The following ANKAR variants were observed in gnomAD, a reference collection of about 807,000 sequenced individuals.
ANKAR encodes ankyrin and armadillo repeat containing.
Under a neutral mutation model 146.2 loss-of-function variants are expected in ANKAR, and 136 were observed. The observed-to-expected ratio is 0.93, with a 90% CI of 0.81 to 1.07. ANKAR has a LOEUF of 1.07. Ranked by LOEUF, ANKAR falls within the 50% of genes least tolerant of loss-of-function variation. ANKAR has a pLI of 0.00. For missense variants in ANKAR, 1,567 were observed against 1,679.9 expected (o/e 0.93, Z 1.18); for synonymous variants, 500 against 575.8 (o/e 0.87, Z 1.88).
chr2:189,761,551 A>G (rs769515901), downstream of ANKAR: 1 of 1,611,398 alleles, frequency 6.2e-7, no homozygotes, highest in Non-Finnish European at 8.5e-7. Context: ...ATAGTGTTCC[A>G]GGATGAAAAT....
At chr2:189,712,211 A>T (rs1195808716) in intron 10 of ANKAR, among the ~76,000 whole-genome samples, 2 of 152,344 alleles carry the variant, frequency 1.3e-5, no homozygotes, top group East Asian at 3.9e-4. Context: ...GCAGACTTAA[A>T]TGTCCCTGTC....
At chr2:189,703,648 C>A (rs1296189557) in intron 7 of ANKAR, among the ~76,000 whole-genome samples, 4 of 152,156 alleles carry the variant, frequency 2.6e-5, no homozygotes, top group African/African-American at 9.6e-5. Flanking sequence ...ATATGGTAAG[C>A]AAAGCCACTA....
chr2:189,704,774 T>C (rs2038687500), intron 7 of ANKAR, among the ~76,000 whole-genome samples: 1 of 151,300 alleles, frequency 6.6e-6, no homozygotes, highest in Non-Finnish European at 1.5e-5. Context: ...TTTTCTTTGC[T>C]TATAAAAAAA....
At chr2:189,720,971 G>A (rs2041167447) in intron 12 of ANKAR, among the ~76,000 whole-genome samples, 184 bp downstream of exon 12, 4 of 152,056 alleles carry the variant, frequency 2.6e-5, no homozygotes, top group Admixed American at 2.6e-4. Flanking sequence ...AAACTATGTA[G>A]ATACAGTTAA....
At chr2:189,741,286 T>C in intron 19 of ANKAR, 56 bp from the exon 20 acceptor site, 3 of 1,332,472 alleles carry the variant, frequency 2.3e-6, no homozygotes, top group South Asian at 1.4e-5. Flanking sequence ...TTAATGAAAG[T>C]ATTATAAGTT....
chr2:189,707,681 A>G (rs2039141278), intron 9 of ANKAR, among the ~76,000 whole-genome samples: 1 of 151,220 alleles, frequency 6.6e-6, no homozygotes, highest in Admixed American at 6.6e-5. Flanking sequence ...CACTAGGCCA[A>G]TTATATGGAC....
intron 12 of ANKAR, among the ~76,000 whole-genome samples, chr2:189,726,047 A>G (rs573155115): frequency 6.6e-5 from 10 of 152,366 alleles, no homozygotes; most frequent in East Asian, 3.9e-4. Context: ...CAGAATGTCA[A>G]TTGACAAATG....
Position 189,746,481 on chromosome 2 carries a change from A to C in ANKAR, c.4159A>C (p.Lys1387Gln). ...TNFMGLFKATKKTKDSHNIFS... is the reference protein window; with the variant it reads ...TNFMGLFKATQKTKDSHNIFS... ...CTTCATGGGACTCTTCAAAGCAACAAAAAAGACCAAGGATTCCCATAATAT... is the reference window on the plus strand; with the variant it reads ...CTTCATGGGACTCTTCAAAGCAACACAAAAGACCAAGGATTCCCATAATAT... Residue 1387 changes from lysine (K) to glutamine (Q), a missense_variant, in exon 23 of 23, where the codon AAA (lysine) becomes CAA (glutamine). Coordinates refer to ENST00000684021, the MANE Select transcript of ANKAR (RefSeq NM_001378068.1). The C allele has an allele frequency of 1.2e-6, 2 of 1,613,948 alleles. No individual in the cohort carries two copies. Among genetic ancestry groups the C allele is most frequent in the Non-Finnish European group, 1.7e-6 (2 of 1,179,918 alleles).
intron 16 of ANKAR, among the ~76,000 whole-genome samples, chr2:189,731,382 T>TC (rs989144874): frequency 6.7e-6 from 1 of 149,186 alleles, no homozygotes; most frequent in Non-Finnish European, 1.5e-5. Context: ...TTTTCTTTTT[T>TC]TTTTTTTTTG....
chr2:189,689,773 G>C lies in ANKAR; in HGVS notation c.848G>C (p.Cys283Ser), dbSNP rs1367703425. ...TATAATCAGGATTATCTTGATATCT[G>C]TACCTACCAGAGACTACAGCAAAGA... ...IKYNQDYLDI[C>S]TYQRLQQRLY... The change falls in exon 3 of 23, where the codon TGT (cysteine) becomes TCT (serine). Residue 283 changes from cysteine (C) to serine (S), a missense_variant. Cys to Ser is a moderately radical substitution (Grantham distance 112). Coordinates refer to ENST00000684021, the MANE Select transcript of ANKAR (RefSeq NM_001378068.1). The C allele has an allele frequency of 6.2e-7, 1 of 1,611,388 alleles. No homozygotes were observed. Among genetic ancestry groups the C allele is most frequent in the Non-Finnish European group, 8.5e-7 (1 of 1,178,684 alleles).
chr2:189,761,495 G>GT, downstream of ANKAR: 2 of 1,613,108 alleles, frequency 1.2e-6, no homozygotes, highest in Non-Finnish European at 1.7e-6. Context: ...AGCAGCTGCT[G>GT]TATCATCACA....
intron 2 of ANKAR, among the ~76,000 whole-genome samples, chr2:189,679,899 G>A (rs1483942654): frequency 6.6e-6 from 1 of 152,086 alleles, no homozygotes; most frequent in Non-Finnish European, 1.5e-5. Flanking sequence ...CATGGATATT[G>A]GTCTGTAGTT....
In ANKAR at chr2:189,728,563, A is replaced by T. The variant is rs534321083; in HGVS notation, c.3032-97A>T. The T allele has an allele frequency of 2.0e-6, 3 of 1,501,748 alleles. No individual in the cohort carries two copies. The South Asian group carries it at 3.9e-5, about 19-fold the overall frequency. 93.0% of individuals were successfully genotyped at this position (1,501,748 alleles called of 1,614,324 possible). A position where few individuals can be genotyped will look rare whatever the true frequency, so the allele number is the denominator to read the frequency against. On this transcript the variant is annotated intron_variant, in intron 14 of 22. Transcript: ENST00000684021. ...AGTGATCCTCTTGCCTCAGCCTCCC[A>T]AGTAGCTGGGATTACAAGTGTCAGC...
At chr2:189,718,254 A>G (rs922527991) in intron 10 of ANKAR, among the ~76,000 whole-genome samples, 1 of 152,062 alleles carries the variant, frequency 6.6e-6, no homozygotes, top group African/African-American at 2.4e-5. Flanking sequence ...GGAGTTTGAG[A>G]CCAGTCTGGG....
Position 189,696,320 on chromosome 2 carries a change from C to G in ANKAR, c.1659C>G (p.Cys553Trp). The change falls in exon 7 of 23, where the codon TGC (cysteine) becomes TGG (tryptophan). Residue 553 changes from cysteine to tryptophan, a missense_variant. Physicochemically the swap from Cys to Trp is radical, Grantham distance 215. Coordinates refer to ENST00000684021, the MANE Select transcript of ANKAR (RefSeq NM_001378068.1). ...HNRVSIICQL[C>W]NANFKVNQRR... ...GAGTTTCTATTATATGTCAACTGTG[C>G]AATGCTAACTTCAAGGTCAACCAGA... is the stretch of plus-strand genomic sequence containing the variant. The G allele has an allele frequency of 6.2e-7, 1 of 1,614,060 alleles. No individual in the cohort carries two copies. Among genetic ancestry groups the G allele is most frequent in the South Asian group, 1.1e-5 (1 of 91,080 alleles).
At chr2:189,759,399 C>T (rs1476615156) in intron 18 of ANKAR, among the ~76,000 whole-genome samples, 1 of 152,182 alleles carries the variant, frequency 6.6e-6, no homozygotes, top group Non-Finnish European at 1.5e-5. Flanking sequence ...CAGGCGTCCG[C>T]CACCACGCCT....
At chr2:189,750,408 A>G (rs1241610876), downstream of ANKAR, 1 of 453,386 alleles carries the variant, frequency 2.2e-6, no homozygotes, top group Non-Finnish European at 3.9e-6. Flanking sequence ...TAAGACTTTT[A>G]ACACATTATA....
Position 189,693,081 on chromosome 2 carries a change from T to C in ANKAR, c.1211T>C (p.Leu404Ser). 1 of 1,495,210 alleles carries C rather than the reference T, an allele frequency of 6.7e-7. No individual in the cohort carries two copies. The highest frequency in any genetic ancestry group is 9.1e-7 in the Non-Finnish European group (1 of 1,099,842). The allele number at this position is 1,495,210 out of a possible 1,614,324, so 92.6% of individuals were successfully genotyped here. ...ACATAACTCATATTTTAGAAAAATTTAGAAAAAATACGAGATTGTGCTGCT... is the reference window on the plus strand; with the variant it reads ...ACATAACTCATATTTTAGAAAAATTCAGAAAAAATACGAGATTGTGCTGCT... The part of the protein sequence containing the change: ...ENALEDFQKN[L>S]EKIRDCAANT... Residue 404 changes from leucine (L) to serine (S), a missense_variant, in exon 5 of 23, where the codon TTA (leucine) becomes TCA (serine). Transcript: ENST00000684021.
chr2:189,678,865 T>C (rs1369147359), intron 2 of ANKAR, among the ~76,000 whole-genome samples: 2 of 152,232 alleles, frequency 1.3e-5, no homozygotes, highest in African/African-American at 4.8e-5. Context: ...ATGTGATGCC[T>C]CCAGATTTGT....
Sources: gnomAD v4.1 joint callset for allele counts (sites outside exome capture counted in the v4.1 genomes callset) on GRCh38, gnomAD v4.1.1 for gene constraint, MANE v1.5 for transcripts, NCBI Gene and HGNC (gene_info 2026-07-23, HGNC 2026-07-21) for gene names.